Variants in F8 observed in about 807,000 individuals in gnomAD.
F8 encodes the protein coagulation factor VIII, also known as antihemophilic factor.
A neutral mutation model predicts 140.6 loss-of-function variants in F8; 12 were observed. The ratio of observed to expected loss-of-function variants is 0.09; its 90% CI spans 0.05 to 0.14. F8 has a LOEUF of 0.14. Among genes scored for constraint, F8 ranks in the 10% least tolerant of loss-of-function variants. The pLI, the probability that F8 is intolerant of heterozygous loss-of-function variation, is 1.00. For missense variants in F8, 1,354 were observed against 1,720.7 expected, an observed-to-expected ratio of 0.79 and a Z score of 3.77; for synonymous variants, 585 against 614.6, an observed-to-expected ratio of 0.95 and a Z score of 0.71.
intron 6 of F8, among the ~76,000 whole-genome samples, chrX:154,978,273 G>T (rs2073498437): frequency 1.8e-5 from 2 of 110,731 alleles, no homozygotes; most frequent in African/African-American, 6.6e-5. Flanking sequence ...TTAAAGAGAT[G>T]TTGGCCAGTT....
intron 1 of F8, among the ~76,000 whole-genome samples, chrX:155,019,816 C>T (rs956695633): frequency 1.8e-5 from 2 of 110,938 alleles, no homozygotes; most frequent in East Asian, 5.6e-4. Flanking sequence ...GCTGAAAATA[C>T]ACAAACCAAT....
chrX:154,842,059 C>A (rs1302857737), intron 25 of F8, among the ~76,000 whole-genome samples: 3 of 111,645 alleles, frequency 2.7e-5, no homozygotes, highest in African/African-American at 6.5e-5. Flanking sequence ...AAATTAATAA[C>A]CTTTTAACAC....
At chrX:154,893,008 T>C (rs782610923) in intron 22 of F8, among the ~76,000 whole-genome samples, 24 of 112,225 alleles carry the variant, frequency 2.1e-4, no homozygotes, top group African/African-American at 7.8e-4. Context: ...AGGCTTCATC[T>C]GCATGACAGA....
At chrX:155,004,582 G>T (rs183921449) in intron 1 of F8, among the ~76,000 whole-genome samples, 2 of 112,072 alleles carry the variant, frequency 1.8e-5, no homozygotes, top group African/African-American at 6.5e-5. Context: ...TACAGATCTA[G>T]CTACTGATGT....
chrX:154,845,346 G>A (rs2072557056), intron 25 of F8, among the ~76,000 whole-genome samples: 1 of 111,874 alleles, frequency 8.9e-6, no homozygotes, highest in South Asian at 3.7e-4. Context: ...TCTATTGATT[G>A]GAATAGTTTC....
intron 22 of F8, among the ~76,000 whole-genome samples, chrX:154,873,228 C>CTT (rs1190861463): frequency 2.1e-5 from 2 of 96,910 alleles, no homozygotes; most frequent in Non-Finnish European, 2.1e-5. Flanking sequence ...GCAAAGCAAT[C>CTT]TTTTTTTTTT....
intron 13 of F8, among the ~76,000 whole-genome samples, chrX:154,944,005 T>G (rs1324223787): frequency 8.9e-6 from 1 of 111,872 alleles, no homozygotes; most frequent in Admixed American, 9.5e-5. Context: ...TTACACCTTA[T>G]ACTAAAATTA....
At chrX:155,010,195 T>C (rs1482413940) in intron 1 of F8, among the ~76,000 whole-genome samples, 2 of 112,411 alleles carry the variant, frequency 1.8e-5, no homozygotes, top group African/African-American at 6.5e-5. Context: ...AATGACAAAA[T>C]GTTCCAGGGT....
In F8 at chrX:154,837,680, G is replaced by A; in HGVS notation, c.6973C>T (p.Leu2325Phe). Reference protein sequence around the residue: ...SLDPPLLTRYLRIHPQSWVHQ... With the variant: ...SLDPPLLTRYFRIHPQSWVHQ... ...ACCCAACTCTGGGGGTGAATTCGAA[G>A]GTAGCGAGTCAGTAACGGTGGGTCT... is the stretch of plus-strand genomic sequence containing the variant. The change falls in exon 26 of 26, where the codon CTT becomes TTT. Residue 2325 changes from leucine to phenylalanine, a missense_variant. Leu to Phe is a conservative substitution (Grantham distance 22). Transcript: ENST00000360256. 4.1e-6 allele frequency: 5 copies of A among 1,211,490 alleles called. No homozygotes were observed. Among genetic ancestry groups the A allele is most frequent in the Non-Finnish European group, 5.6e-6 (5 of 895,245 alleles).
chrX:154,916,947 C>T (rs1330819494), intron 14 of F8, among the ~76,000 whole-genome samples: 3 of 110,209 alleles, frequency 2.7e-5, no homozygotes, highest in African/African-American at 9.9e-5. Flanking sequence ...CTCTTAGTAC[C>T]GCTTTTGTTG....
At chrX:154,938,369 A>G (rs189768116) in intron 13 of F8, among the ~76,000 whole-genome samples, 1 of 111,985 alleles carries the variant, frequency 8.9e-6, no homozygotes. Flanking sequence ...AATTGGTGCT[A>G]GAGCAATTAA....
At chrX:154,869,020 C>T (rs983739324) in intron 22 of F8, among the ~76,000 whole-genome samples, 19 of 111,454 alleles carry the variant, frequency 1.7e-4, no homozygotes, top group African/African-American at 5.9e-4. Context: ...ACATATGCAC[C>T]CAATACAGGA....
chrX:154,919,741 C>T (rs1293168242), intron 14 of F8: 1 of 324,325 alleles, frequency 3.1e-6, no homozygotes, highest in Non-Finnish European at 5.5e-6. Context: ...AAGCACTCGG[C>T]CCATGGCCTC....
intron 4 of F8, among the ~76,000 whole-genome samples, chrX:154,990,428 A>G (rs979143462): frequency 1.8e-5 from 2 of 111,762 alleles, no homozygotes; most frequent in African/African-American, 6.5e-5. Flanking sequence ...ACATTTTACC[A>G]TTTGAATTGG....
chrX:154,967,162 C>G (rs1185165624), intron 7 of F8, among the ~76,000 whole-genome samples: 9 of 111,576 alleles, frequency 8.1e-5, no homozygotes, highest in African/African-American at 2.9e-4. Flanking sequence ...TAAGTACCCC[C>G]CCTTTCCACA....
chrX:154,980,487 G>A (rs1385356961), intron 6 of F8, among the ~76,000 whole-genome samples: 2 of 112,071 alleles, frequency 1.8e-5, no homozygotes, highest in Non-Finnish European at 3.8e-5. Flanking sequence ...TCACCTGCAT[G>A]TCTTTAGGAT....
chrX:154,851,532 T>C (rs1365110087), intron 25 of F8, among the ~76,000 whole-genome samples: 1 of 111,642 alleles, frequency 9.0e-6, no homozygotes, highest in Non-Finnish European at 1.9e-5. Flanking sequence ...AATTTCTTTA[T>C]ATTCTTGCTA....
chrX:154,982,445 C>CAAAA (rs782689011), intron 6 of F8, among the ~76,000 whole-genome samples: 1 of 59,518 alleles, frequency 1.7e-5, no homozygotes, highest in Non-Finnish European at 3.2e-5. Flanking sequence ...GACTCCGTCT[C>CAAAA]AAAAAAAAAA....
Position 155,002,612 on chromosome X carries a change from TACACAC to T in F8, c.144-3018_144-3013del, listed in dbSNP as rs368675926. Among the ~76,000 whole-genome samples, 550 of 98,613 alleles carry T rather than the reference TACACAC, an allele frequency of 5.6e-3. 2 individuals are homozygous for T. The highest frequency in any genetic ancestry group is 0.017 in the African/African-American group (453 of 26,625). 85.6% of individuals were successfully genotyped at this position (98,613 alleles called of 115,157 possible). A position where few individuals can be genotyped will look rare whatever the true frequency, so the allele number is the denominator to read the frequency against. On this transcript the variant is annotated intron_variant, in intron 1 of 25. Transcript: ENST00000360256. Reference sequence around the variant, plus strand: ...TGTACTTTTACCATTGGCATATATTTACACACACACACACACACACACACACACACA... The same window carrying T: ...TGTACTTTTACCATTGGCATATATTTACACACACACACACACACACACACA...
Sources: gnomAD v4.1 joint callset for allele counts (sites outside exome capture counted in the v4.1 genomes callset) on GRCh38, gnomAD v4.1.1 for gene constraint, MANE v1.5 for transcripts, NCBI Gene and HGNC (gene_info 2026-07-23, HGNC 2026-07-21) for gene names.